The following SDK2 variants were observed in gnomAD, a reference collection of about 807,000 sequenced individuals.
SDK2 encodes protein sidekick-2.
In SDK2, 105 loss-of-function variants were observed where a neutral mutation model predicts 253.9. That is an observed-to-expected ratio of 0.41 (90% CI 0.35 to 0.49). The LOEUF (loss-of-function observed/expected upper bound fraction) is 0.49. Among genes scored for constraint, SDK2 ranks in the 20% least tolerant of loss-of-function variants. The pLI, the probability that SDK2 is intolerant of heterozygous loss-of-function variation, is 0.06. For synonymous variants in SDK2, 1,249 were observed against 1,234.9 expected (o/e 1.01, Z -0.24); for missense variants, 2,608 against 3,003.0 (o/e 0.87, Z 3.07).
intron 24 of SDK2, among the ~76,000 whole-genome samples, chr17:73,396,647 G>A (rs953643228): frequency 7.9e-5 from 12 of 152,366 alleles, no homozygotes; most frequent in African/African-American, 2.6e-4. Flanking sequence ...AATGGACCAC[G>A]CACCATTAAG....
At chr17:73,632,371 C>T (rs1169053997) in intron 1 of SDK2, among the ~76,000 whole-genome samples, 1 of 152,222 alleles carries the variant, frequency 6.6e-6, no homozygotes, top group Non-Finnish European at 1.5e-5. Context: ...CTGAGTCTTC[C>T]AGCCTCCATC....
At chr17:73,620,335 C>A (rs1360608374) in intron 1 of SDK2, among the ~76,000 whole-genome samples, 1 of 152,184 alleles carries the variant, frequency 6.6e-6, no homozygotes, top group Admixed American at 6.5e-5. Context: ...CATAAGGTAA[C>A]ACTTCACACC....
intron 12 of SDK2, among the ~76,000 whole-genome samples, chr17:73,426,635 G>C (rs963951049): frequency 9.9e-5 from 15 of 151,918 alleles, no homozygotes; most frequent in Admixed American, 9.2e-4. Context: ...AAATCGTTGA[G>C]TTAATTTTTA....
At chr17:73,489,402 G>A (rs1332982825) in intron 2 of SDK2, among the ~76,000 whole-genome samples, 1 of 152,158 alleles carries the variant, frequency 6.6e-6, no homozygotes, top group Non-Finnish European at 1.5e-5. Flanking sequence ...TTCATACTAC[G>A]ATTGGAGGTG....
At chr17:73,560,007 C>T (rs1187518179) in intron 1 of SDK2, among the ~76,000 whole-genome samples, 1 of 152,152 alleles carries the variant, frequency 6.6e-6, no homozygotes, top group African/African-American at 2.4e-5. Context: ...TTCCTCTGGG[C>T]CATCACACCA....
At chr17:73,344,693 T>C (rs769263722) in intron 44 of SDK2, among the ~76,000 whole-genome samples, 2 of 152,238 alleles carry the variant, frequency 1.3e-5, no homozygotes, top group Non-Finnish European at 1.5e-5. Context: ...GTTTCTTGTT[T>C]GGCACAACTT....
At chr17:73,362,239 G>A (rs1430738331) in intron 38 of SDK2, among the ~76,000 whole-genome samples, 2 of 152,032 alleles carry the variant, frequency 1.3e-5, no homozygotes, top group African/African-American at 4.8e-5. Context: ...CATCCCATGG[G>A]ACTAGAATTA....
In SDK2 at chr17:73,419,281, T is replaced by TG; in HGVS notation, c.2070dup (p.Thr691HisfsTer26). ...GCGATGACGTTCTGTGGAGGGGCCG[T>TG]GGGGGGCTCCTCGGGGAGGGAGACC... is the stretch of plus-strand genomic sequence containing the variant. On this transcript the variant is annotated frameshift_variant, in exon 16 of 45. Transcript: ENST00000392650. LOFTEE classifies it high-confidence loss of function. 1 of 1,612,670 alleles carries TG rather than the reference T, an allele frequency of 6.2e-7. No individual in the cohort carries two copies. Among genetic ancestry groups the TG allele is most frequent in the Non-Finnish European group, 8.5e-7 (1 of 1,179,640 alleles).
Position 73,462,869 on chromosome 17 carries a change from CT to C in SDK2, c.332-6817del, listed in dbSNP as rs1329010647. On this transcript the variant is annotated intron_variant, in intron 3 of 44. Transcript: ENST00000392650. ...TCTCCATTGTACTTTGTCAAATGTG[CT>C]TCTTGGATCTGCCCAGGGAGTTCCT... Among the ~76,000 whole-genome samples, 6 of 152,190 alleles carry C rather than the reference CT, an allele frequency of 3.9e-5. No individual in the cohort carries two copies. The East Asian group carries it at 1.2e-3, about 29-fold the overall frequency.
At chr17:73,599,295 G>A (rs770825711) in intron 1 of SDK2, among the ~76,000 whole-genome samples, 1 of 152,184 alleles carries the variant, frequency 6.6e-6, no homozygotes, top group Non-Finnish European at 1.5e-5. Flanking sequence ...ACTTTGGGAG[G>A]CCGAAGGGGG....
chr17:73,596,153 T>C (rs1041734098), intron 1 of SDK2, among the ~76,000 whole-genome samples: 4 of 152,138 alleles, frequency 2.6e-5, no homozygotes, highest in African/African-American at 9.7e-5. Context: ...CCTGGAGACC[T>C]GGGTCCTGGG....
chr17:73,621,539 C>T (rs971714649), intron 1 of SDK2, among the ~76,000 whole-genome samples: 1 of 151,878 alleles, frequency 6.6e-6, no homozygotes, highest in Non-Finnish European at 1.5e-5. Context: ...TGACAATGTG[C>T]TCATTTAGTA....
Position 73,465,453 on chromosome 17 carries a change from G to A in SDK2, c.331+6659C>T, listed in dbSNP as rs1416046035. 6.6e-6 allele frequency among the ~76,000 whole-genome samples: 1 copy of A among 152,106 alleles called. No individual in the cohort carries two copies. The highest frequency in any genetic ancestry group is 1.5e-5 in the Non-Finnish European group (1 of 68,024). ...AGGACCTGGATGTGGTGAAACGCTG[G>A]CTGTGGTGAAACGCTGGCTCGAGGT... On this transcript the variant is annotated intron_variant, in intron 3 of 44. Transcript: ENST00000392650. This position sits in a 1 kb window ranked among gnomAD's most constrained non-coding sequence, Gnocchi z 4.2.
At position 73,398,051 on chromosome 17, in the gene SDK2, A is replaced by G. The variant is rs770056125; in HGVS notation, c.3338T>C (p.Leu1113Pro). The G allele has an allele frequency of 1.2e-6, 2 of 1,612,464 alleles. No homozygotes were observed. Among genetic ancestry groups the G allele is most frequent in the Admixed American group, 3.3e-5 (2 of 60,000 alleles). Residue 1113 changes from leucine to proline, a missense_variant, in exon 24 of 45, where the codon CTG (leucine) becomes CCG (proline). By Grantham distance (98) the Leu-to-Pro change is moderately conservative (BLOSUM62 -3). This residue lies in a region of SDK2 where 1,505 missense variants were observed against 1,859.1 expected (regional missense o/e 0.81). Transcript: ENST00000392650. ...GAGCCTTACCATCCAGCGCAGCCAC[A>G]GGCTGGTCTCACTGGCTGTGCGCAG... The part of the protein sequence containing the change: ...VSLRTASETS[L>P]WLRWMPLPEM...
intron 44 of SDK2, among the ~76,000 whole-genome samples, chr17:73,342,019 C>T (rs1308991466): frequency 6.6e-6 from 1 of 152,112 alleles, no homozygotes; most frequent in Non-Finnish European, 1.5e-5. Context: ...AAAGCCCACA[C>T]ACCTCTTAAC....
intron 1 of SDK2, among the ~76,000 whole-genome samples, chr17:73,578,780 C>G (rs891912935): frequency 5.3e-5 from 8 of 152,144 alleles, no homozygotes; most frequent in African/African-American, 1.9e-4. Context: ...GCTTATCCAC[C>G]CAGCCATTCG....
At position 73,383,365 on chromosome 17, in the gene SDK2, G is replaced by T. The variant is rs550224900; in HGVS notation, c.4705+511C>A. ...TTCCTTTGCTCCAGGGGACAGGCAGGGCAGTGGCTTCCCCCAGGAAAAAGA... is the reference window on the plus strand; with the variant it reads ...TTCCTTTGCTCCAGGGGACAGGCAGTGCAGTGGCTTCCCCCAGGAAAAAGA... On this transcript the variant is annotated intron_variant, in intron 33 of 44. Coordinates refer to ENST00000392650, the MANE Select transcript of SDK2 (RefSeq NM_001144952.2). This position sits in a 1 kb window ranked among gnomAD's most constrained non-coding sequence, Gnocchi z 4.3. Among the ~76,000 whole-genome samples the T allele has an allele frequency of 6.6e-4, 100 of 152,330 alleles. No homozygotes were observed. The highest frequency in any genetic ancestry group is 1.7e-3 in the African/African-American group (72 of 41,578).
At chr17:73,621,487 G>A (rs8078884) in intron 1 of SDK2, among the ~76,000 whole-genome samples, 58,022 of 151,764 alleles carry the variant, frequency 0.38, 11,617 homozygotes, top group African/African-American at 0.5. Context: ...TGAAATTAGC[G>A]GACACGAATT....
intron 44 of SDK2, among the ~76,000 whole-genome samples, chr17:73,341,122 A>G (rs1378551094): frequency 6.7e-6 from 1 of 148,494 alleles, no homozygotes; most frequent in Non-Finnish European, 1.5e-5. Context: ...GGCCTAAACT[A>G]TGCTCCTGCC....
Sources: gnomAD v4.1 joint callset for allele counts (sites outside exome capture counted in the v4.1 genomes callset) on GRCh38, gnomAD v4.1.1 for gene constraint, gnomAD v4.1.1 regional missense constraint, Gnocchi (gnomAD v3.1) non-coding constraint, MANE v1.5 for transcripts, NCBI Gene and HGNC (gene_info 2026-07-23, HGNC 2026-07-21) for gene names.